ZNF148: variants seen among roughly 807,000 people sequenced by gnomAD.
ZNF148 encodes the protein Beta-Enolase Repressor Factor-1.
A neutral mutation model predicts 67.7 loss-of-function variants in ZNF148; 7 were observed. The observed-to-expected ratio is 0.10, with a 90% CI of 0.06 to 0.19. The LOEUF (loss-of-function observed/expected upper bound fraction) is 0.19. Ranked by LOEUF, ZNF148 falls within the 10% of genes least tolerant of loss-of-function variation. ZNF148 has a pLI of 1.00. For synonymous variants in ZNF148, 333 were observed against 330.7 expected (o/e 1.01, Z -0.08); for missense variants, 583 against 947.1 (o/e 0.62, Z 5.05).
intron 7 of ZNF148, among the ~76,000 whole-genome samples, chr3:125,273,897 T>C (rs1937902213): frequency 6.6e-6 from 1 of 152,232 alleles, no homozygotes; most frequent in South Asian, 2.1e-4. Context: ...ATAATTTGTA[T>C]AACAGAACAT....
chr3:125,348,600 T>C (rs767454396), intron 1 of ZNF148, among the ~76,000 whole-genome samples: 1 of 150,912 alleles, frequency 6.6e-6, no homozygotes. Context: ...ATGAAAGAAA[T>C]TGAAGACACA....
chr3:125,333,666 G>A (rs1285881653), intron 1 of ZNF148, among the ~76,000 whole-genome samples: 1 of 152,148 alleles, frequency 6.6e-6, no homozygotes, highest in Non-Finnish European at 1.5e-5. Flanking sequence ...CCCCACTTCA[G>A]CAGTCAGTGA....
At chr3:125,303,073 A>G (rs997383805) in intron 4 of ZNF148, among the ~76,000 whole-genome samples, 1 of 152,228 alleles carries the variant, frequency 6.6e-6, no homozygotes, top group African/African-American at 2.4e-5. Context: ...GACGACTCTC[A>G]AGAGCATTAC....
At chr3:125,296,268 T>C (rs1219334366) in intron 4 of ZNF148, among the ~76,000 whole-genome samples, 1 of 152,028 alleles carries the variant, frequency 6.6e-6, no homozygotes, top group Non-Finnish European at 1.5e-5. Flanking sequence ...ACTACAGACA[T>C]GTACCACCAC....
intron 1 of ZNF148, among the ~76,000 whole-genome samples, chr3:125,337,366 A>T (rs141479956): frequency 0.018 from 2,810 of 152,296 alleles, 83 homozygotes; most frequent in African/African-American, 0.065. Context: ...CTGCTTCCAG[A>T]AGAAACATTC....
rs527803511 is a variant in ZNF148 at position 125,273,823 on chromosome 3, G to A, written c.667+3903C>T. ...AAAACTTCCCTATAGAAATAGCTTC[G>A]TAACATTTTTACTAATTGAAATAAA... On this transcript the variant is annotated intron_variant, in intron 7 of 8. Transcript: ENST00000360647. Among the ~76,000 whole-genome samples, 13 of 152,064 alleles carry A rather than the reference G, an allele frequency of 8.5e-5. No individual in the cohort carries two copies. In the South Asian group the frequency reaches 1.0e-3, roughly 12 times the overall value.
chr3:125,310,295 G>A (rs549657525), intron 4 of ZNF148, among the ~76,000 whole-genome samples: 2 of 152,066 alleles, frequency 1.3e-5, no homozygotes, highest in East Asian at 1.9e-4. Flanking sequence ...GCCCAAGCTA[G>A]TCTCAAACTC....
At chr3:125,345,599 C>CAACAAA (rs1553713897) in intron 1 of ZNF148, among the ~76,000 whole-genome samples, 2 of 151,202 alleles carry the variant, frequency 1.3e-5, no homozygotes. Context: ...ACAACAACAA[C>CAACAAA]AAAAAAAGAC....
chr3:125,363,783 G>C (rs1196155844), intron 1 of ZNF148, among the ~76,000 whole-genome samples: 1 of 151,860 alleles, frequency 6.6e-6, no homozygotes, highest in Non-Finnish European at 1.5e-5. Context: ...CCGTGCACCT[G>C]GAACTACAGG....
Position 125,233,271 on chromosome 3 carries a change from C to T in ZNF148, c.1455G>A (p.Arg485=). The change falls in exon 9 of 9, where the codon AGG becomes AGA. Residue 485 remains arginine (R), a synonymous_variant. Coordinates refer to ENST00000360647, the MANE Select transcript of ZNF148 (RefSeq NM_021964.3). The surrounding 1 kb of genome is among the most constrained non-coding windows in gnomAD (Gnocchi z 5.1). ...RYLQAASNNS[R]EYALNVGTIA... ...TGGTACCCACATTCAGCGCATATTCCCTGCTGTTGTTACTTGCTGCTTGAA... is the reference window on the plus strand; with the variant it reads ...TGGTACCCACATTCAGCGCATATTCTCTGCTGTTGTTACTTGCTGCTTGAA... The T allele has an allele frequency of 1.2e-6, 2 of 1,613,824 alleles. No homozygotes were observed. The highest frequency in any genetic ancestry group is 1.7e-5 in the Admixed American group (1 of 59,956).
intron 3 of ZNF148, among the ~76,000 whole-genome samples, chr3:125,320,330 GA>G (rs1354298034): frequency 6.6e-6 from 1 of 152,148 alleles, no homozygotes; most frequent in Non-Finnish European, 1.5e-5. Context: ...ATTTTAAAAT[GA>G]AAACAGATTT....
At chr3:125,287,696 T>C (rs1475791033) in intron 5 of ZNF148, among the ~76,000 whole-genome samples, 1 of 152,196 alleles carries the variant, frequency 6.6e-6, no homozygotes, top group Non-Finnish European at 1.5e-5. Context: ...TCCAGGCTCT[T>C]AGGATACAGC....
At chr3:125,338,903 G>T (rs1941606030) in intron 1 of ZNF148, 1 of 152,128 alleles carries the variant, frequency 6.6e-6, no homozygotes, top group South Asian at 2.1e-4. Flanking sequence ...ACACAATGTA[G>T]AGGTGTGCCT....
At chr3:125,252,851 G>A (rs1410434900) in intron 7 of ZNF148, among the ~76,000 whole-genome samples, 2 of 151,682 alleles carry the variant, frequency 1.3e-5, no homozygotes, top group Non-Finnish European at 2.9e-5. Flanking sequence ...TACATCAAGT[G>A]AATGTAATAT....
rs1935733101 is a variant in ZNF148 at position 125,228,684 on chromosome 3, A to T, written c.*3657T>A. 6.6e-6 allele frequency: 1 copy of T among 152,598 alleles called. No homozygotes were observed. The highest frequency in any genetic ancestry group is 1.5e-5 in the Non-Finnish European group (1 of 68,014). The allele number at this position is 152,598 out of a possible 1,614,324, so 9.5% of individuals were successfully genotyped here. On this transcript the variant is annotated 3_prime_UTR_variant, in exon 9 of 9. Coordinates refer to ENST00000360647, the MANE Select transcript of ZNF148 (RefSeq NM_021964.3). ...TTAGCACATTGGTACTCACTTCAAAACAAATGGAATGCATAACATTAATAA... is the reference window on the plus strand; with the variant it reads ...TTAGCACATTGGTACTCACTTCAAATCAAATGGAATGCATAACATTAATAA...
intron 1 of ZNF148, among the ~76,000 whole-genome samples, chr3:125,362,620 T>C (rs1016793669): frequency 6.6e-6 from 1 of 151,460 alleles, no homozygotes; most frequent in South Asian, 2.1e-4. Flanking sequence ...AGTGGTTCAA[T>C]ACCAGCTCAC....
chr3:125,290,491 C>G (rs2107629694), intron 4 of ZNF148, among the ~76,000 whole-genome samples: 1 of 152,210 alleles, frequency 6.6e-6, no homozygotes, highest in South Asian at 2.1e-4. Context: ...AAAATAAAGT[C>G]TTACTTTTAT....
At chr3:125,261,681 C>G (rs1579646589) in intron 7 of ZNF148, among the ~76,000 whole-genome samples, 1 of 152,046 alleles carries the variant, frequency 6.6e-6, no homozygotes, top group African/African-American at 2.4e-5. Flanking sequence ...TAAGAAACTA[C>G]AGTCACAGGA....
intron 2 of ZNF148, among the ~76,000 whole-genome samples, chr3:125,327,578 C>T (rs1235410997): frequency 1.3e-5 from 2 of 152,138 alleles, no homozygotes; most frequent in African/African-American, 4.8e-5. Flanking sequence ...CCCAGCACTT[C>T]GGGAGCCTGA....
Sources: gnomAD v4.1 joint callset for allele counts (sites outside exome capture counted in the v4.1 genomes callset) on GRCh38, gnomAD v4.1.1 for gene constraint, Gnocchi (gnomAD v3.1) non-coding constraint, MANE v1.5 for transcripts, NCBI Gene and HGNC (gene_info 2026-07-23, HGNC 2026-07-21) for gene names.